Variants in SLC2A9 observed in about 807,000 individuals in gnomAD.
SLC2A9 encodes solute carrier family 2, facilitated glucose transporter member 9.
SLC2A9 carries 39 observed loss-of-function variants against 50.6 expected under a neutral mutation model. The ratio of observed to expected loss-of-function variants is 0.77; its 90% CI spans 0.60 to 1.01. The LOEUF is 1.01. Among genes scored for constraint, SLC2A9 ranks in the 50% least tolerant of loss-of-function variants. SLC2A9 has a pLI of 0.00. For synonymous variants in SLC2A9, 324 were observed against 276.9 expected, an observed-to-expected ratio of 1.17 and a Z score of -1.69; for missense variants, 686 against 677.6, an observed-to-expected ratio of 1.01 and a Z score of -0.14.
At chr4:9,797,853 C>T (rs879349658), downstream of SLC2A9, among the ~76,000 whole-genome samples, 1 of 152,156 alleles carries the variant, frequency 6.6e-6, no homozygotes, top group Admixed American at 6.5e-5. Context: ...TGCAGTGGTG[C>T]ACATGATCCT....
At chr4:9,884,705 A>G (rs1054374320) in intron 10 of SLC2A9, among the ~76,000 whole-genome samples, 2 of 152,186 alleles carry the variant, frequency 1.3e-5, no homozygotes, top group African/African-American at 4.8e-5. Flanking sequence ...TTCTATTATA[A>G]AGACACATGC....
At chr4:10,020,034 TTGTG>T (rs898701650) in intron 1 of SLC2A9, among the ~76,000 whole-genome samples, 6 of 108,156 alleles carry the variant, frequency 5.5e-5, no homozygotes, top group African/African-American at 2.0e-4. Context: ...TTTGACATAT[TTGTG>T]AGTGTGTGTG....
intron 9 of SLC2A9, among the ~76,000 whole-genome samples, chr4:9,890,293 G>T (rs1239869767): frequency 6.6e-6 from 1 of 152,182 alleles, no homozygotes; most frequent in Non-Finnish European, 1.5e-5. Flanking sequence ...AGGTTGTCTA[G>T]TGCAAGCTCT....
At chr4:9,832,552 C>A (rs1208374412) in intron 11 of SLC2A9, among the ~76,000 whole-genome samples, 2 of 152,154 alleles carry the variant, frequency 1.3e-5, no homozygotes, top group African/African-American at 2.4e-5. Flanking sequence ...ACCCAGACAC[C>A]CTGGACATAC....
chr4:9,862,545 G>A (rs1257280141), intron 10 of SLC2A9, among the ~76,000 whole-genome samples: 1 of 151,948 alleles, frequency 6.6e-6, no homozygotes, highest in Non-Finnish European at 1.5e-5. Context: ...TATGAGGGTT[G>A]AAGAAAATAT....
chr4:9,851,242 C>A (rs1729855328), intron 10 of SLC2A9, among the ~76,000 whole-genome samples: 1 of 152,116 alleles, frequency 6.6e-6, no homozygotes, highest in African/African-American at 2.4e-5. Context: ...CCTTGAGGGG[C>A]CAGAGAACAA....
intron 3 of SLC2A9, among the ~76,000 whole-genome samples, chr4:9,786,452 G>A (rs1719231370): frequency 6.6e-6 from 1 of 152,124 alleles, no homozygotes; most frequent in Non-Finnish European, 1.5e-5. Flanking sequence ...TCAGTTTTTT[G>A]TTCATTTATT....
chr4:9,821,130 A>T (rs1371306275), intron 3 of SLC2A9, among the ~76,000 whole-genome samples: 2 of 152,178 alleles, frequency 1.3e-5, no homozygotes, highest in Non-Finnish European at 2.9e-5. Context: ...AAGTGTTTTG[A>T]ACATAGAGGG....
intron 10 of SLC2A9, among the ~76,000 whole-genome samples, chr4:9,864,023 TG>T (rs1732057240): frequency 6.6e-6 from 1 of 151,936 alleles, no homozygotes; most frequent in South Asian, 2.1e-4. Flanking sequence ...GCCCTGGGAC[TG>T]GGGGGTTGCC....
intron 10 of SLC2A9, chr4:9,879,679 G>T (rs527848352): frequency 1.0e-6 from 1 of 985,344 alleles, no homozygotes; most frequent in East Asian, 1.1e-4. Context: ...CATCTTGTTT[G>T]CATCTGTCCA....
chr4:10,019,075 T>C lies in SLC2A9; in HGVS notation c.151-2A>G. The C allele has an allele frequency of 1.3e-6, 2 of 1,551,094 alleles. No individual in the cohort carries two copies. Among genetic ancestry groups the C allele is most frequent in the South Asian group, 1.2e-5 (1 of 84,048 alleles). On this transcript the variant is annotated splice_acceptor_variant, in intron 1 of 11. Transcript: ENST00000264784. LOFTEE classifies it high-confidence loss of function. ...CACGAGGAGCGAGCAGGACCAGTCC[T>C]GAGGGGAGAGGAAACCACGTCAGAG...
intron 3 of SLC2A9, among the ~76,000 whole-genome samples, chr4:9,991,563 A>G (rs1757722213): frequency 6.6e-6 from 1 of 152,182 alleles, no homozygotes. Context: ...AGAGGTGGAG[A>G]AAGAGAGAGA....
upstream of SLC2A9, chr4:10,025,799 C>G (rs1241674311): frequency 1.8e-6 from 2 of 1,085,154 alleles, no homozygotes; most frequent in Admixed American, 3.8e-5. Flanking sequence ...TTTTCTCTGC[C>G]CAGCTTCACC....
chr4:9,785,241 G>T lies in SLC2A9; in HGVS notation n.386-5176C>A, dbSNP rs184578168. Among the ~76,000 whole-genome samples, 6 of 152,298 alleles carry T rather than the reference G, an allele frequency of 3.9e-5. No individual in the cohort carries two copies. The East Asian group carries it at 1.2e-3, about 29-fold the overall frequency. The stretch of plus-strand genomic sequence containing the variant: ...TCTGTAAATGGAAAGACTTCAACTA[G>T]ATCACTGTTTACCCAATTGTGCTTT... On this transcript the variant is annotated intron_variant and non_coding_transcript_variant, in intron 3 of 3. Coordinates refer to the SLC2A9 transcript ENST00000503803.
intron 3 of SLC2A9, among the ~76,000 whole-genome samples, chr4:9,820,903 T>C (rs1242528260): frequency 1.3e-5 from 2 of 152,248 alleles, no homozygotes; most frequent in Non-Finnish European, 2.9e-5. Flanking sequence ...TGCTTTTCAA[T>C]CTGTACACCT....
At chr4:9,826,945 T>C (rs4697896) in intron 11 of SLC2A9, among the ~76,000 whole-genome samples, 143,323 of 152,284 alleles carry the variant, frequency 0.94, 67,724 homozygotes, top group Non-Finnish European at 0.96. Flanking sequence ...CACATTGTCT[T>C]CTTGCTTCTA....
intron 5 of SLC2A9, among the ~76,000 whole-genome samples, chr4:9,951,799 T>C (rs1750314352): frequency 6.6e-6 from 1 of 152,292 alleles, no homozygotes; most frequent in African/African-American, 2.4e-5. Flanking sequence ...AAGTTTTTGA[T>C]ATGGAATCTT....
intron 6 of SLC2A9, among the ~76,000 whole-genome samples, chr4:9,938,958 T>C (rs1747640338): frequency 6.6e-6 from 1 of 152,138 alleles, no homozygotes; most frequent in African/African-American, 2.4e-5. Context: ...GGGCCTCTTG[T>C]CTGAAGTGAT....
chr4:9,779,960 T>C (rs1453358783), exon 4 of SLC2A9: 1 of 152,312 alleles, frequency 6.6e-6, no homozygotes, highest in Non-Finnish European at 1.5e-5. Context: ...GTTGAGGAAA[T>C]ACCACATGAC....
Sources: gnomAD v4.1 joint callset for allele counts (sites outside exome capture counted in the v4.1 genomes callset) on GRCh38, gnomAD v4.1.1 for gene constraint, MANE v1.5 for transcripts, NCBI Gene and HGNC (gene_info 2026-07-23, HGNC 2026-07-21) for gene names.